CCDC60: variants seen among roughly 807,000 people sequenced by gnomAD.
The protein encoded by CCDC60 is coiled-coil domain containing 60.
CCDC60 carries 54 observed loss-of-function variants against 63.5 expected under a neutral mutation model. The ratio of observed to expected loss-of-function variants is 0.85; its 90% CI spans 0.68 to 1.07. The LOEUF is 1.07. CCDC60 is among the 50% of genes least tolerant of loss of function. The probability of loss-of-function intolerance (pLI) is 0.00; values close to 1 mark genes in which losing one functional copy is unlikely to be tolerated. For missense variants in CCDC60, 651 were observed against 684.3 expected, an observed-to-expected ratio of 0.95 and a Z score of 0.54; for synonymous variants, 206 against 238.8, an observed-to-expected ratio of 0.86 and a Z score of 1.27.
In CCDC60 at chr12:119,505,254, G is replaced by A. The variant is rs1468013202; in HGVS notation, c.834G>A (p.Glu278=). The A allele has an allele frequency of 1.2e-6, 2 of 1,613,122 alleles. No individual in the cohort carries two copies. Among genetic ancestry groups the A allele is most frequent in the Non-Finnish European group, 1.7e-6 (2 of 1,180,026 alleles). The change falls in exon 7 of 14, where the codon GAG becomes GAA. Residue 278 remains glutamate, a synonymous_variant. Transcript: ENST00000327554. ...AGGTGACCAGCAGCAAGGACATTGAGGACAATGAGTCATCTTCAACCAAGC... is the reference window on the plus strand; with the variant it reads ...AGGTGACCAGCAGCAAGGACATTGAAGACAATGAGTCATCTTCAACCAAGC... ...NTQVTSSKDI[E]DNESSSTKPD... is the part of the protein sequence containing the mutation.
chr12:119,481,976 GTATATATATGTA>G lies in CCDC60; in HGVS notation c.449+2794_449+2805del, dbSNP rs1420300757. Reference sequence around the variant, plus strand: ...AGCAGTATTCCATCATATATATATAGTATATATATGTATATATATATGTATATATAGTATATA... The same window carrying G: ...AGCAGTATTCCATCATATATATATAGTATATATATGTATATATAGTATATA... On this transcript the variant is annotated intron_variant, in intron 4 of 13. Transcript: ENST00000327554. 3.7e-5 allele frequency among the ~76,000 whole-genome samples: 5 copies of G among 134,476 alleles called. No individual in the cohort carries two copies. The South Asian group carries it at 7.0e-4, about 19-fold the overall frequency. 88.2% of individuals were successfully genotyped at this position (134,476 alleles called of 152,430 possible).
At chr12:119,393,963 T>G (rs991373912) in intron 1 of CCDC60, among the ~76,000 whole-genome samples, 1 of 152,198 alleles carries the variant, frequency 6.6e-6, no homozygotes, top group Non-Finnish European at 1.5e-5. Flanking sequence ...TTAACAGCCC[T>G]GATCATCTTG....
chr12:119,344,760 G>A (rs1486073475), intron 1 of CCDC60, among the ~76,000 whole-genome samples: 1 of 151,328 alleles, frequency 6.6e-6, no homozygotes, highest in Non-Finnish European at 1.5e-5. Context: ...TCACCACTAA[G>A]GAGCCACACT....
At chr12:119,377,843 C>T (rs867754755) in intron 1 of CCDC60, among the ~76,000 whole-genome samples, 1 of 152,150 alleles carries the variant, frequency 6.6e-6, no homozygotes. Flanking sequence ...CAGGCACAGA[C>T]GTGGCATCGT....
chr12:119,406,839 T>C (rs904517411), intron 1 of CCDC60, among the ~76,000 whole-genome samples: 5 of 152,152 alleles, frequency 3.3e-5, no homozygotes, highest in African/African-American at 4.8e-5. Context: ...TGCAATACAC[T>C]AGGGTTTCTC....
intron 1 of CCDC60, among the ~76,000 whole-genome samples, chr12:119,411,744 G>C (rs1379454795): frequency 6.6e-6 from 1 of 152,054 alleles, no homozygotes; most frequent in Non-Finnish European, 1.5e-5. Flanking sequence ...GAGAGACCTT[G>C]TTTCTGAGCC....
chr12:119,366,327 C>T (rs750985847), intron 1 of CCDC60, among the ~76,000 whole-genome samples: 12 of 152,130 alleles, frequency 7.9e-5, no homozygotes, highest in Middle Eastern at 6.3e-3. Context: ...GTCAAGGAGA[C>T]GAGATAACAT....
chr12:119,452,015 G>A (rs988684168), intron 2 of CCDC60, among the ~76,000 whole-genome samples: 7 of 152,158 alleles, frequency 4.6e-5, no homozygotes, highest in Admixed American at 2.0e-4. Context: ...CCCACAATGC[G>A]CCAAAGGGAT....
chr12:119,500,083 C>T lies in CCDC60; in HGVS notation c.563C>T (p.Pro188Leu), dbSNP rs369442968. The change falls in exon 6 of 14, where the codon CCG becomes CTG. Residue 188 changes from proline to leucine, a missense_variant. Transcript: ENST00000327554. ...TTAAGCTGTTTCTCACTCAGGGACC[C>T]GGGTGGAAGCAAGAGCACCATTAAA... ...PVITCWNPKD[P>L]GGSKSTIKKI... The T allele has an allele frequency of 6.8e-6, 11 of 1,610,428 alleles. No individual in the cohort carries two copies. Among genetic ancestry groups the T allele is most frequent in the African/African-American group, 1.3e-5 (1 of 74,700 alleles).
At chr12:119,397,030 C>A (rs1956268686) in intron 1 of CCDC60, among the ~76,000 whole-genome samples, 1 of 152,144 alleles carries the variant, frequency 6.6e-6, no homozygotes, top group African/African-American at 2.4e-5. Flanking sequence ...AGCTGCAGAC[C>A]TTCACAGTGC....
At chr12:119,400,957 A>G (rs903018946) in intron 1 of CCDC60, among the ~76,000 whole-genome samples, 4 of 152,224 alleles carry the variant, frequency 2.6e-5, no homozygotes, top group Non-Finnish European at 4.4e-5. Flanking sequence ...TCTGTGGGCA[A>G]TTCACTCTGT....
intron 3 of CCDC60, among the ~76,000 whole-genome samples, chr12:119,474,387 A>G (rs989916235): frequency 6.6e-6 from 1 of 152,208 alleles, no homozygotes; most frequent in Non-Finnish European, 1.5e-5. Context: ...TGAGAATGTT[A>G]ATTTACAGAA....
At chr12:119,495,843 C>T (rs999505613) in intron 5 of CCDC60, among the ~76,000 whole-genome samples, 1 of 152,030 alleles carries the variant, frequency 6.6e-6, no homozygotes, top group Non-Finnish European at 1.5e-5. Flanking sequence ...GATAAACATG[C>T]AATAATCAAG....
intron 1 of CCDC60, among the ~76,000 whole-genome samples, chr12:119,393,782 C>T (rs1431770095): frequency 1.3e-5 from 2 of 152,078 alleles, no homozygotes; most frequent in African/African-American, 4.8e-5. Flanking sequence ...TTTTGTGTGA[C>T]GTTTTCAGTG....
At chr12:119,438,341 G>A (rs1259990546) in intron 2 of CCDC60, among the ~76,000 whole-genome samples, 1 of 152,160 alleles carries the variant, frequency 6.6e-6, no homozygotes, top group East Asian at 1.9e-4. Flanking sequence ...TTGAACTTCT[G>A]AACCTTTTGT....
At chr12:119,469,955 G>A (rs1291777115) in intron 2 of CCDC60, among the ~76,000 whole-genome samples, 1 of 152,210 alleles carries the variant, frequency 6.6e-6, no homozygotes, top group Non-Finnish European at 1.5e-5. Flanking sequence ...GATTCCTGAA[G>A]CATTTTTACG....
At chr12:119,365,236 C>A (rs182209527) in intron 1 of CCDC60, among the ~76,000 whole-genome samples, 64 of 152,158 alleles carry the variant, frequency 4.2e-4, no homozygotes, top group Middle Eastern at 3.4e-3. Context: ...TGAGACGAGC[C>A]CTGGTTAGAC....
At chr12:119,428,559 C>G in intron 1 of CCDC60, 124 bp from the exon 2 acceptor site, 1 of 627,550 alleles carries the variant, frequency 1.6e-6, no homozygotes, top group East Asian at 2.8e-5. Flanking sequence ...AGACTCTGTG[C>G]TGCCCAGGAC....
At chr12:119,378,682 C>T (rs1955979019) in intron 1 of CCDC60, among the ~76,000 whole-genome samples, 2 of 152,212 alleles carry the variant, frequency 1.3e-5, no homozygotes, top group African/African-American at 4.8e-5. Context: ...TCCCCAGACA[C>T]AGCTGAAATT....
Sources: gnomAD v4.1 joint callset for allele counts (sites outside exome capture counted in the v4.1 genomes callset) on GRCh38, gnomAD v4.1.1 for gene constraint, MANE v1.5 for transcripts, NCBI Gene and HGNC (gene_info 2026-07-23, HGNC 2026-07-21) for gene names.